The following GRB2 variants were observed in gnomAD, a reference collection of about 807,000 sequenced individuals.
GRB2 encodes the protein growth factor receptor-bound protein 2.
Under a neutral mutation model 27.4 loss-of-function variants are expected in GRB2, and 2 were observed. That is an observed-to-expected ratio of 0.07 (90% CI 0.03 to 0.23). The LOEUF is 0.23. Among genes scored for constraint, GRB2 ranks in the 10% least tolerant of loss-of-function variants. GRB2 has a pLI of 1.00. For synonymous variants in GRB2, 94 were observed against 99.6 expected (o/e 0.94, Z 0.33); for missense variants, 102 against 282.4 (o/e 0.36, Z 4.58).
Position 75,320,627 on chromosome 17 carries a change from T to C in GRB2, c.469-74A>G. 1 of 1,143,720 alleles carries C rather than the reference T, an allele frequency of 8.7e-7. No homozygotes were observed. The highest frequency in any genetic ancestry group is 1.3e-6 in the Non-Finnish European group (1 of 773,392). The allele number at this position is 1,143,720 out of a possible 1,614,324, so 70.8% of individuals were successfully genotyped here. A position where few individuals can be genotyped will look rare whatever the true frequency, so the allele number is the denominator to read the frequency against. On this transcript the variant is annotated intron_variant, in intron 5 of 5. Coordinates refer to ENST00000316804, the MANE Select transcript of GRB2 (RefSeq NM_002086.5). This position sits in a 1 kb window ranked among gnomAD's most constrained non-coding sequence, Gnocchi z 4.3. ...CTGGCCACCTCCGAGGCCAGATGGG[T>C]TCCAGGGGGAAACGAATGCGTGCCA...
intron 3 of GRB2, among the ~76,000 whole-genome samples, chr17:75,327,046 G>A (rs944626356): frequency 6.6e-6 from 1 of 150,622 alleles, no homozygotes; most frequent in Non-Finnish European, 1.5e-5. Flanking sequence ...GTCCATTAAA[G>A]TTGTAAATCT....
Position 75,325,830 on chromosome 17 carries a change from A to G in GRB2, c.299+68T>C. 2.6e-6 allele frequency: 4 copies of G among 1,543,290 alleles called. No individual in the cohort carries two copies. In the South Asian group the frequency reaches 3.3e-5, roughly 13 times the overall value. ...CATTTTGTGTGTAGCCAGGCACCTG[A>G]CCAACGGCTTCACAATTTGGATCAG... On this transcript the variant is annotated intron_variant, in intron 4 of 5. Transcript: ENST00000316804.
At chr17:75,329,015 C>T (rs1291043455) in intron 3 of GRB2, among the ~76,000 whole-genome samples, 1 of 151,948 alleles carries the variant, frequency 6.6e-6, no homozygotes, top group Non-Finnish European at 1.5e-5. Context: ...TCGGGGGGCC[C>T]CAATCAACGG....
chr17:75,339,180 A>C, intron 2 of GRB2: 1 of 946,952 alleles, frequency 1.1e-6, no homozygotes, highest in Non-Finnish European at 1.7e-6. Flanking sequence ...GAAGACAATA[A>C]AATCCTGAGT....
At chr17:75,350,581 T>C (rs1443482109) in intron 2 of GRB2, among the ~76,000 whole-genome samples, 2 of 152,206 alleles carry the variant, frequency 1.3e-5, no homozygotes, top group Non-Finnish European at 2.9e-5. Flanking sequence ...AAGCTCCGCC[T>C]CCTGGGTTCA....
chr17:75,348,460 T>G (rs1285220120), intron 2 of GRB2, among the ~76,000 whole-genome samples: 1 of 152,216 alleles, frequency 6.6e-6, no homozygotes, highest in Non-Finnish European at 1.5e-5. Flanking sequence ...CCCTTTGAAT[T>G]GCACTTTAGA....
chr17:75,361,711 A>G (rs2078783098), intron 2 of GRB2, among the ~76,000 whole-genome samples: 1 of 152,076 alleles, frequency 6.6e-6, no homozygotes, highest in Non-Finnish European at 1.5e-5. Context: ...AGGGGGAAAA[A>G]GCTTCCCAAT....
intron 2 of GRB2, among the ~76,000 whole-genome samples, chr17:75,333,701 CT>C (rs1424092429): frequency 6.6e-6 from 1 of 152,132 alleles, no homozygotes; most frequent in Non-Finnish European, 1.5e-5. Context: ...TATGGGAAAA[CT>C]ATTTTCAGGA....
At chr17:75,334,724 T>A (rs2078565155) in intron 2 of GRB2, among the ~76,000 whole-genome samples, 1 of 152,180 alleles carries the variant, frequency 6.6e-6, no homozygotes, top group Non-Finnish European at 1.5e-5. Context: ...AAGACTGCTT[T>A]AGCCCAGGAG....
At chr17:75,322,097 G>A (rs563404147) in intron 4 of GRB2, among the ~76,000 whole-genome samples, 5 of 152,204 alleles carry the variant, frequency 3.3e-5, no homozygotes, top group African/African-American at 1.2e-4. Flanking sequence ...GTCCAGGCCG[G>A]GTGCGGTGGC....
intron 2 of GRB2, chr17:75,393,331 G>A: frequency 1.7e-6 from 1 of 575,624 alleles, no homozygotes; most frequent in Non-Finnish European, 3.1e-6. Flanking sequence ...GACAAATGAG[G>A]CATTCACACA....
chr17:75,392,017 G>C (rs1032176063), intron 2 of GRB2, among the ~76,000 whole-genome samples: 1 of 152,112 alleles, frequency 6.6e-6, no homozygotes, highest in African/African-American at 2.4e-5. Context: ...AAGGGCTTTT[G>C]TACAGGCTAT....
chr17:75,351,181 C>T (rs1415578479), intron 2 of GRB2, among the ~76,000 whole-genome samples: 1 of 152,068 alleles, frequency 6.6e-6, no homozygotes, highest in African/African-American at 2.4e-5. Context: ...TGAAGAGAAT[C>T]TAAAATGAAC....
chr17:75,369,530 T>C (rs1174126457), intron 2 of GRB2, among the ~76,000 whole-genome samples: 1 of 152,024 alleles, frequency 6.6e-6, no homozygotes, highest in African/African-American at 2.4e-5. Context: ...ACAAGGACTC[T>C]GGATGGATGG....
At chr17:75,374,394 A>G (rs1228919270) in intron 2 of GRB2, among the ~76,000 whole-genome samples, 1 of 96,746 alleles carries the variant, frequency 1.0e-5, no homozygotes, top group African/African-American at 3.8e-5. Context: ...ACAGAGTAAG[A>G]CTCCATATCA....
Position 75,374,605 on chromosome 17 carries a change from T to TCACACA in GRB2, c.78+18940_78+18945dup, listed in dbSNP as rs112792873. ...CGAGTGTGGTGGCACATGCCTGTAG[T>TCACACA]CACACACACACACACACACAAACAC... On this transcript the variant is annotated intron_variant, in intron 2 of 5. Coordinates refer to ENST00000316804, the MANE Select transcript of GRB2 (RefSeq NM_002086.5). Among the ~76,000 whole-genome samples, 8 of 147,060 alleles carry TCACACA rather than the reference T, an allele frequency of 5.4e-5. No homozygotes were observed. In the East Asian group the frequency reaches 1.6e-3, roughly 29 times the overall value.
chr17:75,368,078 C>T (rs2078831434), intron 2 of GRB2, among the ~76,000 whole-genome samples: 1 of 152,068 alleles, frequency 6.6e-6, no homozygotes. Flanking sequence ...CCACGCCTGG[C>T]TAATTTTTGT....
At chr17:75,400,664 TTG>T (rs971103599) in intron 1 of GRB2, among the ~76,000 whole-genome samples, 1 of 151,758 alleles carries the variant, frequency 6.6e-6, no homozygotes, top group South Asian at 2.1e-4. Context: ...TTTTGTGTGT[TTG>T]TGTGTGTTTT....
At chr17:75,382,578 G>A (rs2078935967) in intron 2 of GRB2, among the ~76,000 whole-genome samples, 1 of 152,188 alleles carries the variant, frequency 6.6e-6, no homozygotes, top group African/African-American at 2.4e-5. Flanking sequence ...TACTCAATAT[G>A]TAGTTCTTTT....
Sources: allele counts gnomAD v4.1 joint callset (sites outside exome capture counted in the v4.1 genomes callset), GRCh38; gene constraint gnomAD v4.1.1; non-coding constraint Gnocchi (gnomAD v3.1); transcripts MANE v1.5; gene names NCBI Gene and HGNC (gene_info 2026-07-23, HGNC 2026-07-21).